DNAH11: variants seen among roughly 807,000 people sequenced by gnomAD.
The protein encoded by DNAH11 is axonemal beta dynein heavy chain 11.
Under a neutral mutation model 526.0 loss-of-function variants are expected in DNAH11, and 442 were observed. The ratio of observed to expected loss-of-function variants is 0.84; its 90% CI spans 0.78 to 0.91. The LOEUF is 0.91. Among genes scored for constraint, DNAH11 ranks in the 40% least tolerant of loss-of-function variants. The probability of loss-of-function intolerance (pLI) is 0.00; values close to 1 mark genes in which losing one functional copy is unlikely to be tolerated. For missense variants in DNAH11, 6,989 were observed against 5,448.7 expected, an observed-to-expected ratio of 1.28 and a Z score of -8.90; for synonymous variants, 2,461 against 1,935.9, an observed-to-expected ratio of 1.27 and a Z score of -7.12.
intron 73 of DNAH11, among the ~76,000 whole-genome samples, chr7:21,872,900 C>G (rs1347313280): frequency 6.6e-6 from 1 of 152,092 alleles, no homozygotes; most frequent in Non-Finnish European, 1.5e-5. Context: ...CATATTTTCT[C>G]AAACTAACCC....
At chr7:21,836,048 G>T (rs1237356474) in intron 65 of DNAH11, among the ~76,000 whole-genome samples, 1 of 151,932 alleles carries the variant, frequency 6.6e-6, no homozygotes, top group South Asian at 2.1e-4. Context: ...AACCAAGGAG[G>T]TGAAAAATCC....
At chr7:21,550,677 A>G (rs1454094595) in intron 2 of DNAH11, among the ~76,000 whole-genome samples, 1 of 152,210 alleles carries the variant, frequency 6.6e-6, no homozygotes, top group Non-Finnish European at 1.5e-5. Context: ...GAAACCTTCC[A>G]TAATTCCCCT....
intron 65 of DNAH11, among the ~76,000 whole-genome samples, chr7:21,837,751 C>T (rs1782047770): frequency 1.3e-5 from 2 of 152,122 alleles, no homozygotes; most frequent in South Asian, 2.1e-4. Flanking sequence ...AGGAGGAATA[C>T]GTTCTGGTGT....
chr7:21,847,906 C>T (rs1782477528), intron 66 of DNAH11, among the ~76,000 whole-genome samples: 1 of 152,146 alleles, frequency 6.6e-6, no homozygotes. Flanking sequence ...TGGCTCACGC[C>T]TGTAATCCCA....
intron 33 of DNAH11, 49 bp from the exon 34 acceptor site, chr7:21,687,333 C>A: frequency 1.9e-6 from 3 of 1,575,372 alleles, no homozygotes; most frequent in Admixed American, 1.8e-5. Flanking sequence ...AATATAATAG[C>A]GTAAAAACCC....
At chr7:21,683,753 C>A (rs779698989) in intron 31 of DNAH11, 31 bp from the exon 32 acceptor site, 9 of 1,533,534 alleles carry the variant, frequency 5.9e-6, no homozygotes, top group Non-Finnish European at 7.9e-6. Flanking sequence ...CTACCAGTGT[C>A]CTGCGTATGA....
chr7:21,654,554 A>G (rs1448341385), intron 28 of DNAH11, among the ~76,000 whole-genome samples: 2 of 152,216 alleles, frequency 1.3e-5, no homozygotes, highest in Non-Finnish European at 2.9e-5. Context: ...ACAGAGATGT[A>G]CAAATACCTG....
Position 21,789,324 on chromosome 7 carries a change from T to G in DNAH11, c.10008T>G (p.Ala3336=), listed in dbSNP as rs369733468. ...CTGCAGCTACTGAAAAACTAGAGGCTATCAGGAAAAAGCTTGTGGTGAGTG... is the reference window on the plus strand; with the variant it reads ...CTGCAGCTACTGAAAAACTAGAGGCGATCAGGAAAAAGCTTGTGGTGAGTG... ...ELAAATEKLE[A]IRKKLVDLDR... Residue 3336 remains alanine, a synonymous_variant, in exon 61 of 82, where the codon GCT becomes GCG. Transcript: ENST00000409508. 6.4e-7 allele frequency: 1 copy of G among 1,569,764 alleles called. No homozygotes were observed. Among genetic ancestry groups the G allele is most frequent in the East Asian group, 2.3e-5 (1 of 42,606 alleles).
intron 63 of DNAH11, among the ~76,000 whole-genome samples, chr7:21,809,633 A>G (rs1789419992): frequency 6.6e-6 from 1 of 151,946 alleles, no homozygotes; most frequent in Non-Finnish European, 1.5e-5. Context: ...GTTCAGTCTC[A>G]GCCCACTACA....
intron 76 of DNAH11, among the ~76,000 whole-genome samples, chr7:21,892,038 C>G (rs1200289768): frequency 3.3e-5 from 5 of 152,064 alleles, no homozygotes; most frequent in Non-Finnish European, 5.9e-5. Context: ...AAATGTCTAC[C>G]TCAGCAAATT....
At chr7:21,717,104 G>A (rs749091512) in intron 42 of DNAH11, among the ~76,000 whole-genome samples, 5 of 152,044 alleles carry the variant, frequency 3.3e-5, no homozygotes, top group African/African-American at 4.8e-5. Flanking sequence ...TACTATAGGT[G>A]CTACTAAGTC....
At chr7:21,689,393 C>T (rs1169646895) in intron 34 of DNAH11, among the ~76,000 whole-genome samples, 1 of 152,190 alleles carries the variant, frequency 6.6e-6, no homozygotes, top group Non-Finnish European at 1.5e-5. Context: ...TATTTTAGCC[C>T]ATATGCAGAC....
rs1312398420 is a variant in DNAH11 at position 21,901,299 on chromosome 7, A to AT, written c.*49dup. 3.2e-6 allele frequency: 5 copies of AT among 1,550,248 alleles called. No homozygotes were observed. The highest frequency in any genetic ancestry group is 3.9e-5 in the Admixed American group (2 of 51,248). On this transcript the variant is annotated 3_prime_UTR_variant, in exon 82 of 82. Coordinates refer to ENST00000409508, the MANE Select transcript of DNAH11 (RefSeq NM_001277115.2). ...TAGCCTCTGCTGGAGTGCAGTGAGGATTTTCTAGCATGTTGCTGCACTGTT... is the reference window on the plus strand; with the variant it reads ...TAGCCTCTGCTGGAGTGCAGTGAGGATTTTTCTAGCATGTTGCTGCACTGTT...
intron 55 of DNAH11, among the ~76,000 whole-genome samples, chr7:21,772,758 C>T (rs575383564): frequency 3.9e-5 from 6 of 152,236 alleles, no homozygotes; most frequent in African/African-American, 1.4e-4. Context: ...CAAACCCACT[C>T]GGGAATTTGT....
At chr7:21,617,826 T>C in intron 23 of DNAH11, 49 bp downstream of exon 23, 2 of 1,492,350 alleles carry the variant, frequency 1.3e-6, no homozygotes, top group Non-Finnish European at 1.8e-6. Flanking sequence ...CTGTGAAGTG[T>C]TACTTCTTGG....
Position 21,559,700 on chromosome 7 carries a change from C to A in DNAH11, c.790C>A (p.Gln264Lys), listed in dbSNP as rs908898940. The A allele has an allele frequency of 1.2e-6, 2 of 1,610,826 alleles. No homozygotes were observed. Among genetic ancestry groups the A allele is most frequent in the East Asian group, 4.5e-5 (2 of 44,756 alleles). Reference protein sequence around the residue: ...IQEIIERDSVQRLLNGLHLSP... With the variant: ...IQEIIERDSVKRLLNGLHLSP... ...AGAAATTATAGAAAGAGATTCAGTGCAGCGTTTGTTGAATGGTCTTCACTT... is the reference window on the plus strand; with the variant it reads ...AGAAATTATAGAAAGAGATTCAGTGAAGCGTTTGTTGAATGGTCTTCACTT... The change falls in exon 4 of 82, where the codon CAG becomes AAG. Residue 264 changes from glutamine to lysine, a missense_variant. Physicochemically the swap from Gln to Lys is moderately conservative, Grantham distance 53 (BLOSUM62 1). Coordinates refer to ENST00000409508, the MANE Select transcript of DNAH11 (RefSeq NM_001277115.2).
At chr7:21,812,755 C>G (rs1431251183) in intron 63 of DNAH11, among the ~76,000 whole-genome samples, 1 of 152,166 alleles carries the variant, frequency 6.6e-6, no homozygotes, top group African/African-American at 2.4e-5. Context: ...AACAATGGCT[C>G]TTGCACCCCA....
At chr7:21,787,657 G>T (rs532814446) in intron 60 of DNAH11, 74 bp downstream of exon 60, 34 of 1,313,326 alleles carry the variant, frequency 2.6e-5, no homozygotes, top group Non-Finnish European at 3.5e-5. Flanking sequence ...CTAGGTCAGC[G>T]AGAAGAGTAA....
intron 6 of DNAH11, among the ~76,000 whole-genome samples, chr7:21,565,730 C>T (rs183945495): frequency 5.9e-5 from 9 of 152,266 alleles, no homozygotes; most frequent in East Asian, 3.9e-4. Context: ...ATGGCTATTG[C>T]GAGGATTCAA....
Sources: gnomAD v4.1 joint callset for allele counts (sites outside exome capture counted in the v4.1 genomes callset) on GRCh38, gnomAD v4.1.1 for gene constraint, MANE v1.5 for transcripts, NCBI Gene and HGNC (gene_info 2026-07-23, HGNC 2026-07-21) for gene names.